The following SFXN1 variants were observed in gnomAD, a reference collection of about 807,000 sequenced individuals.
The protein encoded by SFXN1 is sideroflexin-1.
A neutral mutation model predicts 39.5 loss-of-function variants in SFXN1; 32 were observed. That is an observed-to-expected ratio of 0.81 (90% CI 0.61 to 1.09). The LOEUF (loss-of-function observed/expected upper bound fraction) is 1.09. SFXN1 is among the 50% of genes least tolerant of loss of function. SFXN1 has a pLI of 0.00. For synonymous variants in SFXN1, 136 were observed against 146.5 expected (o/e 0.93, Z 0.52); for missense variants, 402 against 407.1 (o/e 0.99, Z 0.11).
At chr5:175,519,864 C>CTTTTTTTTTTTT (rs369561037) in intron 8 of SFXN1, among the ~76,000 whole-genome samples, 2 of 77,282 alleles carry the variant, frequency 2.6e-5, no homozygotes, top group Non-Finnish European at 4.8e-5. Flanking sequence ...GGGTTTTTTG[C>CTTTTTTTTTTTT]TTTTTTTTTT....
chr5:175,523,870 G>A (rs1760952615), intron 10 of SFXN1: 1 of 151,802 alleles, frequency 6.6e-6, no homozygotes, highest in Non-Finnish European at 1.5e-5. Flanking sequence ...TTGGCTTCTT[G>A]AGGTCTCTGG....
chr5:175,480,992 T>A (rs948258332), intron 1 of SFXN1, among the ~76,000 whole-genome samples: 12 of 152,382 alleles, frequency 7.9e-5, no homozygotes, highest in African/African-American at 2.6e-4. Context: ...TGCACTTAAT[T>A]ACACAAAGTT....
At chr5:175,522,853 T>G (rs1760924668) in intron 10 of SFXN1, 1 of 157,498 alleles carries the variant, frequency 6.3e-6, no homozygotes, top group Admixed American at 6.3e-5. Flanking sequence ...TTTTTTGCCT[T>G]AAAAGCTTTC....
chr5:175,501,615 A>G (rs111877327), intron 2 of SFXN1, among the ~76,000 whole-genome samples: 10,193 of 152,248 alleles, frequency 0.067, 465 homozygotes, highest in Admixed American at 0.11. Flanking sequence ...TATCACTTGA[A>G]CTATATCCAT....
intron 2 of SFXN1, among the ~76,000 whole-genome samples, chr5:175,503,358 C>G (rs1760154809): frequency 6.6e-6 from 1 of 152,202 alleles, no homozygotes; most frequent in African/African-American, 2.4e-5. Context: ...AGTGGCCTGT[C>G]TTACAAATTG....
At chr5:175,515,666 G>C (rs1561673175) in intron 7 of SFXN1, among the ~76,000 whole-genome samples, 1 of 152,158 alleles carries the variant, frequency 6.6e-6, no homozygotes, top group Non-Finnish European at 1.5e-5. Context: ...GGGTCACCCA[G>C]CTAGCAAGTG....
rs764745875 is a variant in SFXN1 at position 175,516,671 on chromosome 5, G to A, written c.774+8G>A. On this transcript the variant is annotated splice_region_variant and intron_variant, in intron 8 of 10. Transcript: ENST00000321442. ...AAGAAAGCCTTTTTGAAGGTAAGCT[G>A]TGGTTCTTTTGTCATTTTCTCAACC... is the stretch of plus-strand genomic sequence containing the variant. The A allele has an allele frequency of 6.2e-7, 1 of 1,611,868 alleles. No individual in the cohort carries two copies. The highest frequency in any genetic ancestry group is 8.5e-7 in the Non-Finnish European group (1 of 1,178,784).
intron 2 of SFXN1, among the ~76,000 whole-genome samples, chr5:175,494,657 C>G (rs1561657913): frequency 6.6e-6 from 1 of 151,348 alleles, no homozygotes; most frequent in Non-Finnish European, 1.5e-5. Flanking sequence ...GTGGCAGAGA[C>G]AGGAGAACCG....
chr5:175,493,962 G>A (rs947696284), intron 2 of SFXN1, among the ~76,000 whole-genome samples: 4 of 152,202 alleles, frequency 2.6e-5, no homozygotes, highest in Admixed American at 2.0e-4. Context: ...AACAGGCCAG[G>A]CCGTGGACTG....
At chr5:175,514,075 GCAGCA>G (rs924553003) in intron 7 of SFXN1, among the ~76,000 whole-genome samples, 11 of 152,264 alleles carry the variant, frequency 7.2e-5, no homozygotes, top group African/African-American at 2.6e-4. Flanking sequence ...GCATACAGGA[GCAGCA>G]CAGTCTGACT....
intron 2 of SFXN1, among the ~76,000 whole-genome samples, chr5:175,508,745 C>A (rs572600288): frequency 8.5e-5 from 13 of 152,108 alleles, no homozygotes; most frequent in African/African-American, 2.4e-4. Flanking sequence ...TCAAGCAATT[C>A]TCTTGCCTTA....
chr5:175,522,352 C>T, intron 9 of SFXN1, 23 bp from the exon 10 acceptor site: 3 of 1,572,038 alleles, frequency 1.9e-6, no homozygotes, highest in Non-Finnish European at 2.6e-6. Context: ...AATGGTCTGA[C>T]TTTTTTTTGT....
chr5:175,482,665 C>G (rs1039213134), intron 1 of SFXN1, among the ~76,000 whole-genome samples: 1 of 152,140 alleles, frequency 6.6e-6, no homozygotes, highest in Non-Finnish European at 1.5e-5. Flanking sequence ...ATAAAGGCCT[C>G]TTATACTCTT....
At chr5:175,519,815 A>G (rs538876003) in intron 8 of SFXN1, among the ~76,000 whole-genome samples, 2 of 150,706 alleles carry the variant, frequency 1.3e-5, no homozygotes, top group Non-Finnish European at 1.5e-5. Context: ...CTATTAGATC[A>G]CTGGGGAAGA....
At chr5:175,497,967 G>A (rs527355387) in intron 2 of SFXN1, among the ~76,000 whole-genome samples, 47 of 147,422 alleles carry the variant, frequency 3.2e-4, no homozygotes, top group African/African-American at 9.7e-4. Context: ...CACAATTGTA[G>A]TAGGAAATTC....
At chr5:175,510,246 A>G (rs1268658936) in intron 4 of SFXN1, 39 bp downstream of exon 4, 1 of 1,518,630 alleles carries the variant, frequency 6.6e-7, no homozygotes, top group Non-Finnish European at 9.1e-7. Context: ...GCAGTTCTTC[A>G]ACCTTCATTT....
intron 10 of SFXN1, among the ~76,000 whole-genome samples, chr5:175,524,671 A>G (rs1293995036): frequency 1.3e-5 from 2 of 151,954 alleles, no homozygotes; most frequent in Non-Finnish European, 1.5e-5. Context: ...AAGGAAGGAG[A>G]TGAAGATCAG....
intron 3 of SFXN1, among the ~76,000 whole-genome samples, chr5:175,509,775 C>T (rs559594776): frequency 1.5e-4 from 23 of 152,226 alleles, no homozygotes; most frequent in African/African-American, 3.9e-4. Flanking sequence ...GGCCCAGGAC[C>T]GCTTAGCCTA....
At chr5:175,515,102 A>G (rs921568359) in intron 7 of SFXN1, among the ~76,000 whole-genome samples, 2 of 152,198 alleles carry the variant, frequency 1.3e-5, no homozygotes, top group South Asian at 4.1e-4. Context: ...TGCAGCCTCA[A>G]CTTCCCTGAG....
Sources: gnomAD v4.1 joint callset for allele counts (sites outside exome capture counted in the v4.1 genomes callset) on GRCh38, gnomAD v4.1.1 for gene constraint, MANE v1.5 for transcripts, NCBI Gene and HGNC (gene_info 2026-07-23, HGNC 2026-07-21) for gene names.